KLHDC7B: variants seen among roughly 807,000 people sequenced by gnomAD.
The protein encoded by KLHDC7B is kelch domain containing 7B.
KLHDC7B carries 1 observed loss-of-function variant against 0.6 expected under a neutral mutation model. That is an observed-to-expected ratio of 1.71 (90% CI 0.61 to 8.11). The LOEUF is 8.11. Among genes scored for constraint, KLHDC7B ranks in the 30% most tolerant of loss-of-function variants. The pLI, the probability that KLHDC7B is intolerant of heterozygous loss-of-function variation, is 0.13. For missense variants in KLHDC7B, 993 were observed against 894.9 expected, an observed-to-expected ratio of 1.11 and a Z score of -1.40; for synonymous variants, 462 against 405.2, an observed-to-expected ratio of 1.14 and a Z score of -1.68.
At position 50,549,927 on chromosome 22, in the gene KLHDC7B, G is replaced by A. The variant is rs1301271524; in HGVS notation, c.3684G>A (p.Glu1228=). ...CATTCATCCTGACTCTGCCCCCTGA[G>A]GACCGGCTGCAGACCTCACTCTGAG... The part of the protein sequence containing the change: ...LSPFILTLPP[E]DRLQTSL Residue 1228 remains glutamate, a synonymous_variant, in exon 1 of 1, where the codon GAG becomes GAA. Coordinates refer to ENST00000648057, the MANE Select transcript of KLHDC7B (RefSeq NM_138433.5). The A allele has an allele frequency of 1.9e-6, 3 of 1,577,830 alleles. No homozygotes were observed. Among genetic ancestry groups the A allele is most frequent in the Non-Finnish European group, 2.6e-6 (3 of 1,158,220 alleles).
Position 50,548,365 on chromosome 22 carries a change from A to G in KLHDC7B, c.2122A>G (p.Ser708Gly). The G allele has an allele frequency of 6.4e-7, 1 of 1,551,360 alleles. No individual in the cohort carries two copies. Among genetic ancestry groups the G allele is most frequent in the Non-Finnish European group, 8.7e-7 (1 of 1,147,180 alleles). Reference sequence around the variant, plus strand: ...GGCTGGAGGTCAGCCACAGCCAAGAAGCTCCGAGACCAACGGATCGCCCAG... The same window carrying G: ...GGCTGGAGGTCAGCCACAGCCAAGAGGCTCCGAGACCAACGGATCGCCCAG... ...VEAGGQPQPR[S>G]SETNGSPSPD... Residue 708 changes from serine (S) to glycine (G), a missense_variant, in exon 1 of 1, where the codon AGC becomes GGC. Coordinates refer to ENST00000648057, the MANE Select transcript of KLHDC7B (RefSeq NM_138433.5). This position sits in a 1 kb window ranked among gnomAD's most constrained non-coding sequence, Gnocchi z 5.3.
At position 50,546,407 on chromosome 22, in the gene KLHDC7B, C is replaced by T. The variant is rs909981121; in HGVS notation, c.164C>T (p.Ala55Val). 2 of 399,232 alleles carry T rather than the reference C, an allele frequency of 5.0e-6. No homozygotes were observed. The highest frequency in any genetic ancestry group is 2.1e-5 in the African/African-American group (1 of 48,640). The allele number at this position is 399,232 out of a possible 1,614,324, so 24.7% of individuals were successfully genotyped here. The change falls in exon 1 of 1, where the codon GCA (alanine) becomes GTA (valine). Residue 55 changes from alanine to valine, a missense_variant. Transcript: ENST00000648057. Reference protein sequence around the residue: ...WFGSGHDQEAAEPVSTALGAQ... With the variant: ...WFGSGHDQEAVEPVSTALGAQ... ...GGCTCCGGGCACGATCAAGAGGCGGCAGAACCGGTGTCCACAGCCCTCGGG... is the reference window on the plus strand; with the variant it reads ...GGCTCCGGGCACGATCAAGAGGCGGTAGAACCGGTGTCCACAGCCCTCGGG...
chr22:50,548,743 G>C lies in KLHDC7B; in HGVS notation c.2500G>C (p.Gly834Arg). ...GTTTCTGCAGAGGCCCGGGGGTTGG[G>C]GGGTGGTGGAGGGGCCCCGGAAGCC... ...MVFLQRPGGW[G>R]VVEGPRKPSS... Residue 834 changes from glycine to arginine, a missense_variant, in exon 1 of 1, where the codon GGG becomes CGG. Physicochemically the swap from Gly to Arg is moderately radical, Grantham distance 125 (BLOSUM62 -2). Coordinates refer to ENST00000648057, the MANE Select transcript of KLHDC7B (RefSeq NM_138433.5). This position sits in a 1 kb window ranked among gnomAD's most constrained non-coding sequence, Gnocchi z 5.3. 1 of 1,465,194 alleles carries C rather than the reference G, an allele frequency of 6.8e-7. No individual in the cohort carries two copies. Among genetic ancestry groups the C allele is most frequent in the Non-Finnish European group, 9.0e-7 (1 of 1,113,016 alleles). 90.8% of individuals were successfully genotyped at this position (1,465,194 alleles called of 1,614,324 possible).
chr22:50,548,615 C>T lies in KLHDC7B; in HGVS notation c.2372C>T (p.Ala791Val), dbSNP rs1329903530. 1.3e-6 allele frequency: 2 copies of T among 1,542,510 alleles called. No homozygotes were observed. Among genetic ancestry groups the T allele is most frequent in the Admixed American group, 2.0e-5 (1 of 50,734 alleles). The change falls in exon 1 of 1, where the codon GCC becomes GTC. Residue 791 changes from alanine (A) to valine (V), a missense_variant. Ala to Val is a moderately conservative substitution (Grantham distance 64, BLOSUM62 0). Coordinates refer to ENST00000648057, the MANE Select transcript of KLHDC7B (RefSeq NM_138433.5). The surrounding 1 kb of genome is among the most constrained non-coding windows in gnomAD (Gnocchi z 5.3). ...TCGGAGCAGGAGGTCAGGCCGGCCG[C>T]CTCGGGGGACCCTCAAGGGGAGGCG... Reference protein sequence around the residue: ...PSSEQEVRPAASGDPQGEAPG... With the variant: ...PSSEQEVRPAVSGDPQGEAPG...
In KLHDC7B at chr22:50,548,702, C is replaced by A; in HGVS notation, c.2459C>A (p.Ala820Asp). Residue 820 changes from alanine (A) to aspartate (D), a missense_variant, in exon 1 of 1, where the codon GCC becomes GAC. Coordinates refer to ENST00000648057, the MANE Select transcript of KLHDC7B (RefSeq NM_138433.5). The surrounding 1 kb of genome is among the most constrained non-coding windows in gnomAD (Gnocchi z 5.3). The stretch of plus-strand genomic sequence containing the variant: ...GCGCTCACGGAAAAGCAGGAGGAGG[C>A]CCGGAAGCTCATGGTGTTTCTGCAG... The part of the protein sequence containing the change: ...SGALTEKQEE[A>D]RKLMVFLQRP... The A allele has an allele frequency of 1.3e-6, 2 of 1,514,968 alleles. No individual in the cohort carries two copies. Among genetic ancestry groups the A allele is most frequent in the Non-Finnish European group, 8.8e-7 (1 of 1,132,234 alleles). The allele number at this position is 1,514,968 out of a possible 1,614,324, so 93.8% of individuals were successfully genotyped here. A position where few individuals can be genotyped will look rare whatever the true frequency, so the allele number is the denominator to read the frequency against.
Position 50,549,744 on chromosome 22 carries a change from G to GGCCGCCCCCC in KLHDC7B, c.1578_1579insGCCGCCCCCC (p.Pro527AlafsTer64). 1.3e-6 allele frequency: 2 copies of GGCCGCCCCCC among 1,554,556 alleles called. No homozygotes were observed. The highest frequency in any genetic ancestry group is 1.7e-6 in the Non-Finnish European group (2 of 1,152,374). ...GGAGCAGGGCTGCCTCCCTGCCCCT[G>GGCCGCCCCCC]CCCGCCCCCGCCCCACTGCACTGCA... On this transcript the variant is annotated frameshift_variant, in exon 1 of 1. Transcript: ENST00000395676. LOFTEE classifies it low-confidence loss of function (END_TRUNC).
rs1313161405 is a variant in KLHDC7B at position 50,549,279 on chromosome 22, C to T, written c.3036C>T (p.Cys1012=). The T allele has an allele frequency of 6.2e-7, 1 of 1,611,912 alleles. No homozygotes were observed. The highest frequency in any genetic ancestry group is 1.3e-5 in the African/African-American group (1 of 74,938). The change falls in exon 1 of 1, where the codon TGC becomes TGT. Residue 1012 remains cysteine, a synonymous_variant. Coordinates refer to ENST00000648057, the MANE Select transcript of KLHDC7B (RefSeq NM_138433.5). ...GIRGSGAKAV[C]SNEVFCYNPL... ...GTGGCTCCGGTGCCAAGGCCGTCTG[C>T]TCCAACGAGGTCTTCTGCTACAACC...
chr22:50,548,436 A>C lies in KLHDC7B; in HGVS notation c.2193A>C (p.Lys731Asn). 1 of 1,578,942 alleles carries C rather than the reference A, an allele frequency of 6.3e-7. No individual in the cohort carries two copies. The highest frequency in any genetic ancestry group is 1.2e-5 in the South Asian group (1 of 86,684). ...PGLRGEGTRE[K>N]SLDPLPQAAM... ...TAAGAGGAGAGGGAACCAGGGAGAA[A>C]AGTCTAGACCCGCTGCCCCAAGCCG... The change falls in exon 1 of 1, where the codon AAA becomes AAC. Residue 731 changes from lysine to asparagine, a missense_variant. By Grantham distance (94) the Lys-to-Asn change is moderately conservative. Coordinates refer to ENST00000648057, the MANE Select transcript of KLHDC7B (RefSeq NM_138433.5). The surrounding 1 kb of genome is among the most constrained non-coding windows in gnomAD (Gnocchi z 5.3).
At position 50,548,804 on chromosome 22, in the gene KLHDC7B, C is replaced by T. The variant is rs2069765934; in HGVS notation, c.2561C>T (p.Ala854Val). The T allele has an allele frequency of 2.0e-6, 3 of 1,479,516 alleles. No individual in the cohort carries two copies. Among genetic ancestry groups the T allele is most frequent in the Non-Finnish European group, 2.7e-6 (3 of 1,119,824 alleles). The allele number at this position is 1,479,516 out of a possible 1,614,324, so 91.6% of individuals were successfully genotyped here. A position where few individuals can be genotyped will look rare whatever the true frequency, so the allele number is the denominator to read the frequency against. ...GCCCTGGAGCCCGCCACGGCGGCAG[C>T]CCTGCGGCGGCGGCTGGACCTGGGC... ...SRALEPATAA[A>V]LRRRLDLGSC... is the part of the protein sequence containing the mutation. Residue 854 changes from alanine (A) to valine (V), a missense_variant, in exon 1 of 1, where the codon GCC (alanine) becomes GTC (valine). By Grantham distance (64) the Ala-to-Val change is moderately conservative. Transcript: ENST00000648057. This position sits in a 1 kb window ranked among gnomAD's most constrained non-coding sequence, Gnocchi z 5.3.
At position 50,545,986 on chromosome 22, in the gene KLHDC7B, GCT is replaced by G. The variant is rs1491039724; in HGVS notation, c.-257_-256del. On this transcript the variant is annotated 5_prime_UTR_variant, in exon 1 of 1. It removes the in-frame stop codon of an upstream open reading frame in the 5' UTR. Coordinates refer to ENST00000648057, the MANE Select transcript of KLHDC7B (RefSeq NM_138433.5). ...CTACGAGGAGGAGAAGAGGGCAGGA[GCT>G]GGTGGGGTGCTTGCAGAGACCCTGG... Among the ~76,000 whole-genome samples the G allele has an allele frequency of 1.3e-3, 159 of 120,562 alleles. No individual in the cohort carries two copies. The highest frequency in any genetic ancestry group is 4.1e-3 in the Middle Eastern group (1 of 244). The allele number at this position is 120,562 out of a possible 152,430, so 79.1% of individuals were successfully genotyped here. A position where few individuals can be genotyped will look rare whatever the true frequency, so the allele number is the denominator to read the frequency against.
Position 50,550,222 on chromosome 22 carries a change from G to A in KLHDC7B, c.*271G>A, listed in dbSNP as rs2069792689. 1 of 442,464 alleles carries A rather than the reference G, an allele frequency of 2.3e-6. No homozygotes were observed. The highest frequency in any genetic ancestry group is 3.7e-5 in the East Asian group (1 of 27,264). 27.4% of individuals were successfully genotyped at this position (442,464 alleles called of 1,614,324 possible). On this transcript the variant is annotated 3_prime_UTR_variant, in exon 1 of 1. Transcript: ENST00000648057. ...CCTCTCAGCTTGCTGACACCCCCCT[G>A]TCTGTGGGACTCCCTATTCCCTAGA...
At position 50,548,885 on chromosome 22, in the gene KLHDC7B, A is replaced by G. The variant is rs2069767864; in HGVS notation, c.2642A>G (p.Gln881Arg). The G allele has an allele frequency of 3.8e-6, 6 of 1,575,620 alleles. No homozygotes were observed. The Middle Eastern group carries it at 5.1e-4, about 134-fold the overall frequency. Residue 881 changes from glutamine to arginine, a missense_variant, in exon 1 of 1, where the codon CAG becomes CGG. By Grantham distance (43) the Gln-to-Arg change is conservative. Coordinates refer to ENST00000648057, the MANE Select transcript of KLHDC7B (RefSeq NM_138433.5). This position sits in a 1 kb window ranked among gnomAD's most constrained non-coding sequence, Gnocchi z 5.3. ...CAGCACGGAGAGCCCGGCCTGGCGC[A>G]GGAGACCTACGCGCTGATGAGCGAC... is the stretch of plus-strand genomic sequence containing the variant. Reference protein sequence around the residue: ...AQQHGEPGLAQETYALMSDNL... With the variant: ...AQQHGEPGLARETYALMSDNL...
rs1603442608 is a variant in KLHDC7B, at chr22:50,548,091, G to T, written c.1848G>T (p.Lys616Asn). Residue 616 changes from lysine (K) to asparagine (N), a missense_variant, in exon 1 of 1, where the codon AAG (lysine) becomes AAT (asparagine). Transcript: ENST00000648057. This position sits in a 1 kb window ranked among gnomAD's most constrained non-coding sequence, Gnocchi z 5.3. ...CCCCTGCCCCAGCTGACGGGTCAAAGCCTCAGGAGAGTGTGGCTCTCCCCA... is the reference window on the plus strand; with the variant it reads ...CCCCTGCCCCAGCTGACGGGTCAAATCCTCAGGAGAGTGTGGCTCTCCCCA... ...AASPAPADGS[K>N]PQESVALPRR... 2.4e-6 allele frequency: 3 copies of T among 1,239,408 alleles called. No homozygotes were observed. Among genetic ancestry groups the T allele is most frequent in the Non-Finnish European group, 3.1e-6 (3 of 972,988 alleles). 76.8% of individuals were successfully genotyped at this position (1,239,408 alleles called of 1,614,324 possible).
rs1314021897 is a variant in KLHDC7B, at chr22:50,549,792, C to T, written c.3549C>T (p.Tyr1183=). 36 of 1,467,872 alleles carry T rather than the reference C, an allele frequency of 2.5e-5. No homozygotes were observed. The East Asian group carries it at 1.1e-3, about 43-fold the overall frequency. The allele number at this position is 1,467,872 out of a possible 1,614,324, so 90.9% of individuals were successfully genotyped here. A position where few individuals can be genotyped will look rare whatever the true frequency, so the allele number is the denominator to read the frequency against. Residue 1183 remains tyrosine (Y), a synonymous_variant, in exon 1 of 1, where the codon TAC becomes TAT. Coordinates refer to ENST00000648057, the MANE Select transcript of KLHDC7B (RefSeq NM_138433.5). ...LHCTTLGNTI[Y]CLNPQVTATF... ...GCACCACCCTGGGCAACACCATTTA[C>T]TGCCTCAACCCCCAGGTCACTGCCA... is the stretch of plus-strand genomic sequence containing the variant.
Position 50,549,727 on chromosome 22 carries a change from G to A in KLHDC7B, c.3484G>A (p.Ala1162Thr), listed in dbSNP as rs1166776571. The A allele has an allele frequency of 6.3e-7, 1 of 1,589,942 alleles. No individual in the cohort carries two copies. ...YNTVTGSWSR[A>T]ASLPLPAPAP... Reference sequence around the variant, plus strand: ...CACAGTGACCGGCTCCTGGAGCAGGGCTGCCTCCCTGCCCCTGCCCGCCCC... The same window carrying A: ...CACAGTGACCGGCTCCTGGAGCAGGACTGCCTCCCTGCCCCTGCCCGCCCC... The change falls in exon 1 of 1, where the codon GCT becomes ACT. Residue 1162 changes from alanine (A) to threonine (T), a missense_variant. By Grantham distance (58) the Ala-to-Thr change is moderately conservative (BLOSUM62 0). Coordinates refer to ENST00000648057, the MANE Select transcript of KLHDC7B (RefSeq NM_138433.5).
In KLHDC7B at chr22:50,549,945, A is replaced by T; in HGVS notation, c.3702A>T (p.Ser1234=). 2.6e-6 allele frequency: 4 copies of T among 1,552,726 alleles called. No individual in the cohort carries two copies. The South Asian group carries it at 4.8e-5, about 19-fold the overall frequency. The change falls in exon 1 of 1, where the codon TCA becomes TCT. Residue 1234 remains serine, a synonymous_variant. Transcript: ENST00000648057. ...TLPPEDRLQT[S]L ...CCCCTGAGGACCGGCTGCAGACCTCACTCTGAGTGGCAGGCAGAGAACCAA... is the reference window on the plus strand; with the variant it reads ...CCCCTGAGGACCGGCTGCAGACCTCTCTCTGAGTGGCAGGCAGAGAACCAA...
rs1390484964 is a variant in KLHDC7B, at chr22:50,548,643, G to A, written c.2400G>A (p.Pro800=). The A allele has an allele frequency of 2.0e-6, 3 of 1,532,516 alleles. No individual in the cohort carries two copies. Among genetic ancestry groups the A allele is most frequent in the East Asian group, 2.5e-5 (1 of 40,298 alleles). 94.9% of individuals were successfully genotyped at this position (1,532,516 alleles called of 1,614,324 possible). The change falls in exon 1 of 1, where the codon CCG becomes CCA. Residue 800 remains proline (P), a synonymous_variant. Transcript: ENST00000648057. This position sits in a 1 kb window ranked among gnomAD's most constrained non-coding sequence, Gnocchi z 5.3. The part of the protein sequence containing the change: ...AASGDPQGEA[P]GEGGSPAGRS... ...CGGGGGACCCTCAAGGGGAGGCGCCGGGGGAGGGGGGCAGCCCTGCCGGCC... is the reference window on the plus strand; with the variant it reads ...CGGGGGACCCTCAAGGGGAGGCGCCAGGGGAGGGGGGCAGCCCTGCCGGCC...
At position 50,549,170 on chromosome 22, in the gene KLHDC7B, T is replaced by C. The variant is rs755399090; in HGVS notation, c.2927T>C (p.Leu976Pro). 1 of 1,605,160 alleles carries C rather than the reference T, an allele frequency of 6.2e-7. No individual in the cohort carries two copies. Among genetic ancestry groups the C allele is most frequent in the African/African-American group, 1.3e-5 (1 of 75,040 alleles). The change falls in exon 1 of 1, where the codon CTG becomes CCG. Residue 976 changes from leucine to proline, a missense_variant. Coordinates refer to ENST00000648057, the MANE Select transcript of KLHDC7B (RefSeq NM_138433.5). ...FNPRENTWRP[L>P]TQVPEEAPLR... ...CCCCGGGAGAACACCTGGCGGCCCC[T>C]GACCCAGGTGCCCGAGGAGGCCCCG... is the stretch of plus-strand genomic sequence containing the variant.
In KLHDC7B at chr22:50,548,660, C is replaced by T; in HGVS notation, c.2417C>T (p.Pro806Leu). Residue 806 changes from proline (P) to leucine (L), a missense_variant, in exon 1 of 1, where the codon CCT becomes CTT. By Grantham distance (98) the Pro-to-Leu change is moderately conservative (BLOSUM62 -3). Transcript: ENST00000648057. The surrounding 1 kb of genome is among the most constrained non-coding windows in gnomAD (Gnocchi z 5.3). ...GAGGCGCCGGGGGAGGGGGGCAGCC[C>T]TGCCGGCCGCAGCGGGGCGCTCACG... ...QGEAPGEGGS[P>L]AGRSGALTEK... 2.0e-6 allele frequency: 3 copies of T among 1,521,350 alleles called. No homozygotes were observed. The highest frequency in any genetic ancestry group is 2.5e-5 in the East Asian group (1 of 39,862). The allele number at this position is 1,521,350 out of a possible 1,614,324, so 94.2% of individuals were successfully genotyped here. A position where few individuals can be genotyped will look rare whatever the true frequency, so the allele number is the denominator to read the frequency against.
Sources: gnomAD v4.1 joint callset for allele counts (sites outside exome capture counted in the v4.1 genomes callset) on GRCh38, gnomAD v4.1.1 for gene constraint, Gnocchi (gnomAD v3.1) non-coding constraint, MANE v1.5 for transcripts, NCBI Gene and HGNC (gene_info 2026-07-23, HGNC 2026-07-21) for gene names.